Variants in USP31 observed in about 807,000 individuals in gnomAD.
USP31 encodes ubiquitin specific peptidase 31.
Under a neutral mutation model 119.4 loss-of-function variants are expected in USP31, and 44 were observed. The ratio of observed to expected loss-of-function variants is 0.37; its 90% confidence interval spans 0.29 to 0.47. The LOEUF (loss-of-function observed/expected upper bound fraction) is 0.47, where lower values mean the gene tolerates loss of function less well. Among genes scored for constraint, USP31 ranks in the 20% least tolerant of loss-of-function variants. The pLI, the probability that USP31 is intolerant of heterozygous loss-of-function variation, is 0.99. For missense variants in USP31, 1,643 were observed against 1,730.2 expected (o/e 0.95, Z 0.89); for synonymous variants, 749 against 705.6 (o/e 1.06, Z -0.97).
At chr16:23,113,023 C>T (rs1216167695) in intron 1 of USP31, among the ~76,000 whole-genome samples, 1 of 150,276 alleles carries the variant, frequency 6.7e-6, no homozygotes, top group East Asian at 1.9e-4. Context: ...AGCGAAACTC[C>T]GTCCCAAAAA....
In USP31 at chr16:23,066,374, C is replaced by T. The variant is rs943523705; in HGVS notation, c.*1672G>A. The T allele has an allele frequency of 1.3e-5, 2 of 152,040 alleles. No homozygotes were observed. The highest frequency in any genetic ancestry group is 2.1e-4 in the South Asian group (1 of 4,802). The allele number at this position is 152,040 out of a possible 1,614,324, so 9.4% of individuals were successfully genotyped here. ...TTAGCAGCAAAATAAAGTTAAGTAACGTACTAAAAACTTTTCCCAAGAGAT... is the reference window on the plus strand; with the variant it reads ...TTAGCAGCAAAATAAAGTTAAGTAATGTACTAAAAACTTTTCCCAAGAGAT... On this transcript the variant is annotated 3_prime_UTR_variant, in exon 16 of 16. Transcript: ENST00000219689.
chr16:23,119,469 A>G (rs939691831), intron 1 of USP31, among the ~76,000 whole-genome samples: 3 of 152,182 alleles, frequency 2.0e-5, no homozygotes, highest in Non-Finnish European at 4.4e-5. Context: ...TCCTTCTTCA[A>G]CAAAGTACCT....
chr16:23,081,107 A>T (rs1224473950), intron 12 of USP31, among the ~76,000 whole-genome samples: 1 of 152,186 alleles, frequency 6.6e-6, no homozygotes, highest in Non-Finnish European at 1.5e-5. Context: ...TGGGGAGGGG[A>T]CACACAGGAG....
At chr16:23,121,474 C>T (rs903009016) in intron 1 of USP31, among the ~76,000 whole-genome samples, 1 of 152,224 alleles carries the variant, frequency 6.6e-6, no homozygotes, top group Non-Finnish European at 1.5e-5. Flanking sequence ...CCGGCCCAAT[C>T]TTTACCAATT....
intron 1 of USP31, among the ~76,000 whole-genome samples, chr16:23,108,572 C>A (rs1264147276): frequency 6.6e-6 from 1 of 152,114 alleles, no homozygotes; most frequent in Non-Finnish European, 1.5e-5. Flanking sequence ...TATGATACAA[C>A]TACATGACAT....
rs188899076 is a variant in USP31, at chr16:23,097,605, A to T, written c.1234+4714T>A. Among the ~76,000 whole-genome samples, 125 of 152,362 alleles carry T rather than the reference A, an allele frequency of 8.2e-4. 1 individual carries two copies. Among genetic ancestry groups the T allele is most frequent in the African/African-American group, 2.8e-3 (117 of 41,576 alleles). On this transcript the variant is annotated intron_variant, in intron 6 of 15. Coordinates refer to ENST00000219689, the MANE Select transcript of USP31 (RefSeq NM_020718.4). The stretch of plus-strand genomic sequence containing the variant: ...ATACTGGCAAACCAAATCCAGCAGC[A>T]CATCAAAAAGCTTATCCACTATGAT...
In USP31 at chr16:23,063,816, T is replaced by A. The variant is rs1899953208; in HGVS notation, c.*4230A>T. The A allele has an allele frequency of 6.6e-6, 1 of 152,094 alleles. No homozygotes were observed. Among genetic ancestry groups the A allele is most frequent in the African/African-American group, 2.4e-5 (1 of 41,406 alleles). 9.4% of individuals were successfully genotyped at this position (152,094 alleles called of 1,614,324 possible). On this transcript the variant is annotated 3_prime_UTR_variant, in exon 16 of 16. Coordinates refer to ENST00000219689, the MANE Select transcript of USP31 (RefSeq NM_020718.4). ...GGTAGTAAGAGCATGCTTTCTGAGT[T>A]ATATGGAGGCCACGCACAATTGTTT...
intron 11 of USP31, among the ~76,000 whole-genome samples, chr16:23,083,500 G>C (rs558982268): frequency 1.3e-5 from 2 of 150,572 alleles, no homozygotes; most frequent in East Asian, 2.0e-4. Context: ...TACCATTCTA[G>C]ATCAGTGAGA....
At chr16:23,128,760 T>C (rs916064079) in intron 1 of USP31, among the ~76,000 whole-genome samples, 1 of 152,188 alleles carries the variant, frequency 6.6e-6, no homozygotes, top group African/African-American at 2.4e-5. Flanking sequence ...GGCTTTCTGA[T>C]GGAAGTTTAT....
intron 13 of USP31, among the ~76,000 whole-genome samples, chr16:23,075,304 T>C (rs967644158): frequency 6.6e-6 from 1 of 151,998 alleles, no homozygotes; most frequent in Non-Finnish European, 1.5e-5. Flanking sequence ...GAGTGGTGAG[T>C]GGGAGCAGAG....
intron 1 of USP31, among the ~76,000 whole-genome samples, chr16:23,122,145 T>G (rs576352262): frequency 2.6e-5 from 4 of 152,350 alleles, no homozygotes; most frequent in South Asian, 4.1e-4. Flanking sequence ...TTTCCATGTT[T>G]TCTACAAAAC....
intron 11 of USP31, 101 bp from the exon 12 acceptor site, chr16:23,082,658 CTCTG>C: frequency 6.7e-7 from 1 of 1,497,878 alleles, no homozygotes; most frequent in Non-Finnish European, 9.1e-7. Context: ...CTCAAAATCT[CTCTG>C]TAAACCGCAG....
rs781332805 is a variant in USP31 at position 23,068,808 on chromosome 16, T to A, written c.3297A>T (p.Ser1099=). The change falls in exon 16 of 16, where the codon TCA becomes TCT. Residue 1099 remains serine (S), a synonymous_variant. Transcript: ENST00000219689. ...ACACGGAGTCCTGAGATTTCGGGGA[T>A]GACTCCTTTTTGGGTTGGGCAGGGG... The part of the protein sequence containing the change: ...SPAPAQPKKE[S]SPKSQDSVSS... 5 of 1,556,954 alleles carry A rather than the reference T, an allele frequency of 3.2e-6. No homozygotes were observed. Among genetic ancestry groups the A allele is most frequent in the Non-Finnish European group, 4.3e-6 (5 of 1,155,058 alleles).
intron 1 of USP31, among the ~76,000 whole-genome samples, chr16:23,130,418 C>G (rs868848469): frequency 1.3e-4 from 19 of 151,850 alleles, no homozygotes; most frequent in East Asian, 5.8e-4. Flanking sequence ...ACACCCCCCC[C>G]CCAACTAATA....
chr16:23,141,378 A>G (rs1049397161), intron 1 of USP31, among the ~76,000 whole-genome samples: 1 of 146,294 alleles, frequency 6.8e-6, no homozygotes, highest in East Asian at 2.0e-4. Flanking sequence ...CATTTATACA[A>G]TAATTTTTTT....
chr16:23,078,222 G>A (rs528589974), intron 13 of USP31, among the ~76,000 whole-genome samples: 2 of 146,550 alleles, frequency 1.4e-5, no homozygotes, highest in South Asian at 4.4e-4. Flanking sequence ...TGAGGCAGGA[G>A]AATTGCTTGA....
intron 1 of USP31, among the ~76,000 whole-genome samples, chr16:23,141,066 T>C (rs1047577181): frequency 6.6e-6 from 1 of 152,328 alleles, no homozygotes; most frequent in African/African-American, 2.4e-5. Context: ...CACAAGATCA[T>C]ACCAGGACTC....
intron 6 of USP31, among the ~76,000 whole-genome samples, chr16:23,101,919 A>T (rs1901883830): frequency 6.6e-6 from 1 of 151,650 alleles, no homozygotes; most frequent in Non-Finnish European, 1.5e-5. Context: ...AGGTACCAAG[A>T]AAACATTCTA....
Position 23,090,605 on chromosome 16 carries a change from A to G in USP31, c.1415+19T>C, listed in dbSNP as rs1458834570. 3 of 1,583,284 alleles carry G rather than the reference A, an allele frequency of 1.9e-6. No individual in the cohort carries two copies. Among genetic ancestry groups the G allele is most frequent in the Non-Finnish European group, 2.6e-6 (3 of 1,157,416 alleles). ...CTGTTACAGTCTAGGTACTTACTGG[A>G]AAATAATCTGGTTCTCACCTTTTCC... On this transcript the variant is annotated intron_variant, in intron 7 of 15. Coordinates refer to ENST00000219689, the MANE Select transcript of USP31 (RefSeq NM_020718.4).
Sources: allele counts gnomAD v4.1 joint callset (sites outside exome capture counted in the v4.1 genomes callset), GRCh38; gene constraint gnomAD v4.1.1; transcripts MANE v1.5; gene names NCBI Gene and HGNC (gene_info 2026-07-23, HGNC 2026-07-21).